ZNFX1: variants seen among roughly 807,000 people sequenced by gnomAD.
ZNFX1 encodes NFX1-type zinc finger-containing protein 1.
In ZNFX1, 78 loss-of-function variants were observed where a neutral mutation model predicts 179.8. The observed-to-expected ratio is 0.43, with a 90% CI of 0.36 to 0.52. ZNFX1 has a LOEUF of 0.52. ZNFX1 is among the 20% of genes least tolerant of loss of function. ZNFX1 has a pLI of 0.00. For missense variants in ZNFX1, 1,927 were observed against 2,386.6 expected (o/e 0.81, Z 4.01); for synonymous variants, 848 against 868.5 (o/e 0.98, Z 0.42).
intron 3 of ZNFX1, among the ~76,000 whole-genome samples, chr20:49,267,918 G>A (rs1183231098): frequency 1.3e-5 from 2 of 150,314 alleles, no homozygotes; most frequent in Admixed American, 1.3e-4. Context: ...CTGTTGCCCA[G>A]GCTAGAGTGC....
chr20:49,266,622 T>C (rs1192070230), intron 3 of ZNFX1, among the ~76,000 whole-genome samples: 3 of 151,804 alleles, frequency 2.0e-5, no homozygotes, highest in Non-Finnish European at 2.9e-5. Flanking sequence ...TTAATGTATC[T>C]TGAAGGTCAT....
chr20:49,268,384 C>G (rs190661653), intron 3 of ZNFX1, among the ~76,000 whole-genome samples: 6 of 152,266 alleles, frequency 3.9e-5, no homozygotes, highest in Admixed American at 3.9e-4. Flanking sequence ...AATCTTGTAT[C>G]TATTACTATG....
In ZNFX1 at chr20:49,254,661, G is replaced by A. The variant is rs1980925460; in HGVS notation, c.2805-12C>T. 2 of 1,611,480 alleles carry A rather than the reference G, an allele frequency of 1.2e-6. No homozygotes were observed. The highest frequency in any genetic ancestry group is 1.1e-5 in the South Asian group (1 of 91,026). On this transcript the variant is annotated splice_polypyrimidine_tract_variant and intron_variant, in intron 9 of 13. Coordinates refer to ENST00000396105, the MANE Select transcript of ZNFX1 (RefSeq NM_021035.3). ...ACTGTAGCCAGAGCCTGGAGAATGG[G>A]AAGAACCAAGGAAAGAAAGCCACAT...
intron 8 of ZNFX1, among the ~76,000 whole-genome samples, chr20:49,256,717 C>T (rs1980978514): frequency 1.3e-5 from 2 of 152,208 alleles, no homozygotes; most frequent in African/African-American, 4.8e-5. Context: ...CATGACTCCG[C>T]TCACCACATA....
Position 49,253,674 on chromosome 20 carries a change from G to T in ZNFX1, c.3097C>A (p.His1033Asn). ...GGGGACTCTCGTTTTACCTGCTGGT[G>T]GTCCCCAATCAAAATGAGGTGCTGG... ...ACQHLILIGD[H>N]QQLRPSANVY... Residue 1033 changes from histidine to asparagine, a missense_variant, in exon 11 of 14, where the codon CAC becomes AAC. By Grantham distance (68) the His-to-Asn change is moderately conservative (BLOSUM62 1). Transcript: ENST00000396105. The T allele has an allele frequency of 6.2e-7, 1 of 1,614,078 alleles. No individual in the cohort carries two copies. Among genetic ancestry groups the T allele is most frequent in the Non-Finnish European group, 8.5e-7 (1 of 1,180,024 alleles).
At chr20:49,276,065 AT>A (rs2146745559) in intron 1 of ZNFX1, among the ~76,000 whole-genome samples, 178 bp from the exon 2 acceptor site, 1 of 152,366 alleles carries the variant, frequency 6.6e-6, no homozygotes, top group African/African-American at 2.4e-5. Flanking sequence ...CAATTATGAT[AT>A]AAAATATTAA....
intron 8 of ZNFX1, among the ~76,000 whole-genome samples, chr20:49,256,755 G>A (rs1379749896): frequency 6.6e-6 from 1 of 152,204 alleles, no homozygotes; most frequent in African/African-American, 2.4e-5. Context: ...ACTAGATCAG[G>A]TGCAAAGCCA....
At chr20:49,268,194 T>C (rs1249240471) in intron 3 of ZNFX1, among the ~76,000 whole-genome samples, 2 of 152,190 alleles carry the variant, frequency 1.3e-5, no homozygotes, top group Non-Finnish European at 2.9e-5. Context: ...ATGGTTTTAG[T>C]AATGGCTTCT....
At position 49,251,566 on chromosome 20, in the gene ZNFX1, C is replaced by T. The variant is rs2146729412; in HGVS notation, c.3273G>A (p.Leu1091=). 15 of 1,612,620 alleles carry T rather than the reference C, an allele frequency of 9.3e-6. No homozygotes were observed. Among genetic ancestry groups the T allele is most frequent in the Non-Finnish European group, 1.2e-5 (14 of 1,179,246 alleles). Residue 1091 remains leucine (L), a synonymous_variant, in exon 13 of 14, where the codon CTG becomes CTA. Transcript: ENST00000396105. Reference sequence around the variant, plus strand: ...ACTTAAGAACAGATGGATGATTCTCCAGATCCTGGTAAATGTGGGGGGTCA... The same window carrying T: ...ACTTAAGAACAGATGGATGATTCTCTAGATCCTGGTAAATGTGGGGGGTCA... ...RLLTPHIYQD[L]ENHPSVLKYE... is the part of the protein sequence containing the mutation.
chr20:49,268,154 T>G (rs768144697), intron 3 of ZNFX1, among the ~76,000 whole-genome samples: 3 of 152,132 alleles, frequency 2.0e-5, no homozygotes, highest in Non-Finnish European at 4.4e-5. Flanking sequence ...GGATTACAGG[T>G]GTGAGCCACC....
intron 3 of ZNFX1, among the ~76,000 whole-genome samples, chr20:49,268,129 C>T (rs1981288633): frequency 6.6e-6 from 1 of 152,094 alleles, no homozygotes; most frequent in Non-Finnish European, 1.5e-5. Flanking sequence ...CCCGCCTCAG[C>T]CTCCCAAAGT....
At chr20:49,253,614 A>G in intron 11 of ZNFX1, 52 bp downstream of exon 11, 1 of 1,609,338 alleles carries the variant, frequency 6.2e-7, no homozygotes, top group Non-Finnish European at 8.5e-7. Flanking sequence ...TTCCTTTATG[A>G]TCTCACCCCC....
At position 49,248,727 on chromosome 20, in the gene ZNFX1, T is replaced by C. The variant is rs1386648719; in HGVS notation, c.4297A>G (p.Thr1433Ala). The change falls in exon 14 of 14, where the codon ACA becomes GCA. Residue 1433 changes from threonine to alanine, a missense_variant. Coordinates refer to ENST00000396105, the MANE Select transcript of ZNFX1 (RefSeq NM_021035.3). This position sits in a 1 kb window ranked among gnomAD's most constrained non-coding sequence, Gnocchi z 4.6. ...LYGGLLVKCT[T>A]KCGTILDCGH... ...CAGTCCAAGATAGTGCCACACTTTG[T>C]GGTACACTTGACTAGCAGACCACCA... is the stretch of plus-strand genomic sequence containing the variant. The C allele has an allele frequency of 5.0e-6, 8 of 1,612,880 alleles. No homozygotes were observed. Among genetic ancestry groups the C allele is most frequent in the Admixed American group, 3.3e-5 (2 of 60,010 alleles).
Position 49,246,629 on chromosome 20 carries a change from GTAGAA to G in ZNFX1, c.*633_*637del. ...TCATACTCTGTTCCTGGGGAACAAT[GTAGAA>G]TAAACATCTGACCAAGTAAAGACCC... On this transcript the variant is annotated 3_prime_UTR_variant, in exon 14 of 14. Coordinates refer to ENST00000396105, the MANE Select transcript of ZNFX1 (RefSeq NM_021035.3). 1 of 334,476 alleles carries G rather than the reference GTAGAA, an allele frequency of 3.0e-6. No individual in the cohort carries two copies. The allele number at this position is 334,476 out of a possible 1,614,324, so 20.7% of individuals were successfully genotyped here. A position where few individuals can be genotyped will look rare whatever the true frequency, so the allele number is the denominator to read the frequency against.
intron 3 of ZNFX1, among the ~76,000 whole-genome samples, chr20:49,266,610 A>G (rs2146738738): frequency 6.8e-6 from 1 of 146,496 alleles, no homozygotes; most frequent in African/African-American, 2.5e-5. Flanking sequence ...GATTTTTTTC[A>G]CTTAATGTAT....
chr20:49,253,391 T>G (rs1319076128), intron 11 of ZNFX1, among the ~76,000 whole-genome samples: 1 of 152,088 alleles, frequency 6.6e-6, no homozygotes, highest in East Asian at 1.9e-4. Flanking sequence ...GCAGAGAGAC[T>G]GAGGAGCATG....
chr20:49,270,134 A>T lies in ZNFX1; in HGVS notation c.1678T>A (p.Leu560Ile), dbSNP rs1981342877. The T allele has an allele frequency of 6.2e-7, 1 of 1,614,056 alleles. No individual in the cohort carries two copies. The highest frequency in any genetic ancestry group is 8.5e-7 in the Non-Finnish European group (1 of 1,180,032). Reference sequence around the variant, plus strand: ...CCAGTGGCTGAAGGATTCTCTATTAAGGGGGTAAAGTCGTATCTGCCCCCC... The same window carrying T: ...CCAGTGGCTGAAGGATTCTCTATTATGGGGGTAAAGTCGTATCTGCCCCCC... ...LMGGRYDFTP[L>I]IENPSATGEF... Residue 560 changes from leucine to isoleucine, a missense_variant, in exon 3 of 14, where the codon TTA (leucine) becomes ATA (isoleucine). Leu to Ile is a conservative substitution (Grantham distance 5). Coordinates refer to ENST00000396105, the MANE Select transcript of ZNFX1 (RefSeq NM_021035.3). This position sits in a 1 kb window ranked among gnomAD's most constrained non-coding sequence, Gnocchi z 4.6.
Position 49,271,392 on chromosome 20 carries a change from C to T in ZNFX1, c.420G>A (p.Gln140=), listed in dbSNP as rs1981391580. ...AGAACTTGTAGCCCAGTTTCTTCGC[C>T]TGCTGTGGCTGTTCTGTAGGCTTCT... is the stretch of plus-strand genomic sequence containing the variant. ...PHQKPTEQPQ[Q]AKKLGYKFLE... The change falls in exon 3 of 14, where the codon CAG becomes CAA. Residue 140 remains glutamine, a synonymous_variant. Coordinates refer to ENST00000396105, the MANE Select transcript of ZNFX1 (RefSeq NM_021035.3). 9 of 1,614,178 alleles carry T rather than the reference C, an allele frequency of 5.6e-6. No individual in the cohort carries two copies. Among genetic ancestry groups the T allele is most frequent in the Non-Finnish European group, 7.6e-6 (9 of 1,180,032 alleles).
chr20:49,263,895 T>C (rs1055332740), intron 5 of ZNFX1, among the ~76,000 whole-genome samples: 3 of 152,242 alleles, frequency 2.0e-5, no homozygotes, highest in Admixed American at 6.5e-5. Flanking sequence ...TTATACTTAC[T>C]GGTTGAGCAT....
Sources: allele counts gnomAD v4.1 joint callset (sites outside exome capture counted in the v4.1 genomes callset), GRCh38; gene constraint gnomAD v4.1.1; non-coding constraint Gnocchi (gnomAD v3.1); transcripts MANE v1.5; gene names NCBI Gene and HGNC (gene_info 2026-07-23, HGNC 2026-07-21).